The following HIRA variants were observed in gnomAD, a reference collection of about 807,000 sequenced individuals.
HIRA encodes the protein protein HIRA.
Under a neutral mutation model 126.6 loss-of-function variants are expected in HIRA, and 13 were observed. The ratio of observed to expected loss-of-function variants is 0.10; its 90% CI spans 0.07 to 0.16. The LOEUF (loss-of-function observed/expected upper bound fraction) is 0.16, where lower values mean the gene tolerates loss of function less well. HIRA is among the 10% of genes least tolerant of loss of function. HIRA has a pLI of 1.00. For missense variants in HIRA, 834 were observed against 1,314.4 expected, an observed-to-expected ratio of 0.63 and a Z score of 5.65; for synonymous variants, 511 against 520.0, an observed-to-expected ratio of 0.98 and a Z score of 0.24.
chr22:19,331,605 A>C, intron 24 of HIRA, 49 bp from the exon 25 acceptor site: 1 of 1,517,546 alleles, frequency 6.6e-7, no homozygotes, highest in Non-Finnish European at 8.9e-7. Context: ...GAAGAGACCT[A>C]GATTGTGGGG....
At chr22:19,416,774 G>A (rs567612913) in intron 1 of HIRA, among the ~76,000 whole-genome samples, 1 of 152,302 alleles carries the variant, frequency 6.6e-6, no homozygotes, top group African/African-American at 2.4e-5. Flanking sequence ...GCAACCCATA[G>A]AATGGGAGAA....
Position 19,421,885 on chromosome 22 carries a change from T to C in HIRA, c.37+9555A>G, listed in dbSNP as rs374568673. Reference sequence around the variant, plus strand: ...CGCATTTTTGCCATGTTGGCCAGACTGGTCTTGAACTCCTAACCTCAAGTG... The same window carrying C: ...CGCATTTTTGCCATGTTGGCCAGACCGGTCTTGAACTCCTAACCTCAAGTG... On this transcript the variant is annotated intron_variant, in intron 1 of 24. Coordinates refer to ENST00000263208, the MANE Select transcript of HIRA (RefSeq NM_003325.4). Among the ~76,000 whole-genome samples the C allele has an allele frequency of 2.2e-4, 34 of 152,288 alleles. No homozygotes were observed. In the East Asian group the frequency reaches 6.4e-3, roughly 29 times the overall value.
At chr22:19,363,174 C>T (rs7289881) in intron 15 of HIRA, among the ~76,000 whole-genome samples, 12,442 of 148,434 alleles carry the variant, frequency 0.084, 1,708 homozygotes, top group African/African-American at 0.29. Flanking sequence ...GCAGAGGTTG[C>T]AGGGAGTCAA....
At position 19,354,107 on chromosome 22, in the gene HIRA, G is replaced by C; in HGVS notation, c.2573C>G (p.Ser858Cys). 1 of 1,612,952 alleles carries C rather than the reference G, an allele frequency of 6.2e-7. No homozygotes were observed. The highest frequency in any genetic ancestry group is 8.5e-7 in the Non-Finnish European group (1 of 1,179,532). Residue 858 changes from serine (S) to cysteine (C), a missense_variant, in exon 22 of 25, where the codon TCT becomes TGT. Coordinates refer to ENST00000263208, the MANE Select transcript of HIRA (RefSeq NM_003325.4). ...CTGAGCCAGTGAGTCCTGCTTGTCA[G>C]AAACCAGGTTCCTGGGGAGGCAAAG... The part of the protein sequence containing the change: ...NPSLSTWNLV[S>C]DKQDSLAQCA...
intron 24 of HIRA, among the ~76,000 whole-genome samples, chr22:19,349,026 C>T (rs921535752): frequency 4.6e-5 from 7 of 151,902 alleles, no homozygotes; most frequent in Admixed American, 2.0e-4. Flanking sequence ...TCAGGTGATC[C>T]GCCCATCTTG....
rs562155836 is a variant in HIRA at position 19,341,313 on chromosome 22, T to G, written c.2938-9757A>C. Among the ~76,000 whole-genome samples the G allele has an allele frequency of 2.0e-5, 3 of 152,060 alleles. No individual in the cohort carries two copies. The South Asian group carries it at 6.2e-4, about 32-fold the overall frequency. On this transcript the variant is annotated intron_variant, in intron 24 of 24. Coordinates refer to ENST00000263208, the MANE Select transcript of HIRA (RefSeq NM_003325.4). Reference sequence around the variant, plus strand: ...AAAACATACAAAAATTAGCCGGGTGTGCTGGCACATGCTGTAGTCCCAGCT... The same window carrying G: ...AAAACATACAAAAATTAGCCGGGTGGGCTGGCACATGCTGTAGTCCCAGCT...
At chr22:19,349,207 C>T (rs1315821909) in intron 24 of HIRA, among the ~76,000 whole-genome samples, 2 of 151,716 alleles carry the variant, frequency 1.3e-5, no homozygotes, top group South Asian at 2.1e-4. Flanking sequence ...CCGGTTCAAG[C>T]GATTCTCCTG....
intron 10 of HIRA, among the ~76,000 whole-genome samples, 166 bp from the exon 11 acceptor site, chr22:19,387,982 A>C (rs1211065124): frequency 1.2e-4 from 10 of 85,996 alleles, no homozygotes; most frequent in South Asian, 4.3e-4. Context: ...CGGGGGGGGG[A>C]GGGGGCGACA....
At chr22:19,391,157 G>A (rs918985212) in intron 9 of HIRA, among the ~76,000 whole-genome samples, 2 of 152,112 alleles carry the variant, frequency 1.3e-5, no homozygotes, top group South Asian at 2.1e-4. Flanking sequence ...ATGCTACACC[G>A]AAATTATAAG....
chr22:19,428,844 G>C (rs2089508338), intron 1 of HIRA, among the ~76,000 whole-genome samples: 1 of 152,088 alleles, frequency 6.6e-6, no homozygotes, highest in Admixed American at 6.6e-5. Context: ...GAACAAGGAA[G>C]CCAGAAAGTG....
intron 5 of HIRA, among the ~76,000 whole-genome samples, chr22:19,404,837 A>C (rs1389473315): frequency 6.6e-6 from 1 of 151,966 alleles, no homozygotes; most frequent in Non-Finnish European, 1.5e-5. Flanking sequence ...AATCTATCTC[A>C]TACCTCTCTG....
intron 5 of HIRA, among the ~76,000 whole-genome samples, chr22:19,402,270 T>G (rs1441800964): frequency 1.3e-5 from 2 of 152,218 alleles, no homozygotes; most frequent in Non-Finnish European, 2.9e-5. Flanking sequence ...AAGTAAATAT[T>G]AATTTGGGAA....
At chr22:19,334,386 C>T (rs1367629418) in intron 24 of HIRA, among the ~76,000 whole-genome samples, 2 of 151,202 alleles carry the variant, frequency 1.3e-5, no homozygotes, top group African/African-American at 2.4e-5. Flanking sequence ...CACAGTGGCT[C>T]ATGCCTGTAA....
intron 6 of HIRA, among the ~76,000 whole-genome samples, chr22:19,397,672 G>A (rs544522213): frequency 1.1e-3 from 161 of 152,290 alleles, no homozygotes; most frequent in Non-Finnish European, 1.6e-3. Flanking sequence ...GATGGTGACT[G>A]AGCTGAGCCC....
intron 24 of HIRA, among the ~76,000 whole-genome samples, chr22:19,333,240 CGTCTG>C (rs2088515221): frequency 6.6e-6 from 1 of 151,818 alleles, no homozygotes; most frequent in African/African-American, 2.4e-5. Flanking sequence ...AATGGACAAA[CGTCTG>C]GCAGGATTAA....
intron 11 of HIRA, among the ~76,000 whole-genome samples, chr22:19,386,526 G>C (rs1213781725): frequency 6.6e-6 from 1 of 152,266 alleles, no homozygotes; most frequent in African/African-American, 2.4e-5. Context: ...CGTTCCAAGA[G>C]AGGTGCCTTG....
intron 3 of HIRA, among the ~76,000 whole-genome samples, chr22:19,407,954 A>G (rs2089321222): frequency 6.6e-6 from 1 of 152,176 alleles, no homozygotes; most frequent in Non-Finnish European, 1.5e-5. Context: ...AGGTCTGAAG[A>G]CACTGAGAGG....
At chr22:19,358,419 G>C (rs2088833886) in intron 18 of HIRA, among the ~76,000 whole-genome samples, 1 of 152,212 alleles carries the variant, frequency 6.6e-6, no homozygotes, top group Non-Finnish European at 1.5e-5. Flanking sequence ...CACTGTGGGA[G>C]AGGCTGTGCC....
intron 24 of HIRA, among the ~76,000 whole-genome samples, chr22:19,334,205 G>C (rs1434798498): frequency 6.6e-6 from 1 of 151,538 alleles, no homozygotes; most frequent in East Asian, 2.0e-4. Flanking sequence ...TCGATCTCCT[G>C]ACCTTGTGAT....
Sources: gnomAD v4.1 joint callset for allele counts (sites outside exome capture counted in the v4.1 genomes callset) on GRCh38, gnomAD v4.1.1 for gene constraint, MANE v1.5 for transcripts, NCBI Gene and HGNC (gene_info 2026-07-23, HGNC 2026-07-21) for gene names.